The following SCML4 variants were observed in gnomAD, a reference collection of about 807,000 sequenced individuals.
The protein encoded by SCML4 is Scm polycomb group protein like 4, also known as sex comb on midleg-like protein 4.
SCML4 carries 34 observed loss-of-function variants against 41.1 expected under a neutral mutation model. That is an observed-to-expected ratio of 0.83 (90% CI 0.63 to 1.10). SCML4 has a LOEUF of 1.10. SCML4 is among the 50% of genes least tolerant of loss of function. The pLI, the probability that SCML4 is intolerant of heterozygous loss-of-function variation, is 0.00. For missense variants in SCML4, 522 were observed against 534.1 expected, an observed-to-expected ratio of 0.98 and a Z score of 0.22; for synonymous variants, 214 against 220.9, an observed-to-expected ratio of 0.97 and a Z score of 0.28.
the SCML4 span, among the ~76,000 whole-genome samples, chr6:107,834,053 A>G: frequency 6.6e-6 from 1 of 152,374 alleles, no homozygotes; most frequent in African/African-American, 2.4e-5. Context: ...AATAAAAGCA[A>G]CAAAATTGTA....
chr6:107,789,438 C>T (rs541891145), intron 1 of SCML4, among the ~76,000 whole-genome samples: 2 of 152,160 alleles, frequency 1.3e-5, no homozygotes, highest in Non-Finnish European at 2.9e-5. Flanking sequence ...CCTTTCCAGG[C>T]GGGTTCCTCT....
intron 1 of SCML4, among the ~76,000 whole-genome samples, chr6:107,795,865 C>A (rs1250628413): frequency 6.6e-6 from 1 of 152,210 alleles, no homozygotes; most frequent in Non-Finnish European, 1.5e-5. Context: ...CAGTCCTACT[C>A]TTCCAACGGC....
chr6:107,712,381 A>T (rs919123298), intron 6 of SCML4, among the ~76,000 whole-genome samples: 1 of 152,214 alleles, frequency 6.6e-6, no homozygotes. Flanking sequence ...GAGCTAGGTC[A>T]GGGAAACACT....
At chr6:107,725,655 T>A (rs1316512867) in intron 5 of SCML4, among the ~76,000 whole-genome samples, 1 of 152,200 alleles carries the variant, frequency 6.6e-6, no homozygotes, top group African/African-American at 2.4e-5. Context: ...GCAAAAATTA[T>A]AAAACTCTTA....
rs116345050 is a variant in SCML4 at position 107,705,199 on chromosome 6, G to A, written c.*1C>T. The A allele has an allele frequency of 5.9e-3, 9,085 of 1,551,358 alleles. 27 individuals are homozygous for A. Among genetic ancestry groups the A allele is most frequent in the Non-Finnish European group, 7.1e-3 (8,149 of 1,146,726 alleles). ...GTTTCGCTTCTGTCTTTTTAAAAAA[G>A]TCAGAACTTGGCTTGCTTCAGTTTG... On this transcript the variant is annotated 3_prime_UTR_variant, in exon 8 of 8. Transcript: ENST00000369020.
chr6:107,711,338 G>C (rs1029276286), intron 6 of SCML4, among the ~76,000 whole-genome samples: 1 of 152,094 alleles, frequency 6.6e-6, no homozygotes, highest in African/African-American at 2.4e-5. Context: ...GTCATGCACC[G>C]CCTAAGGACG....
At chr6:107,790,109 C>T (rs1242402574) in intron 1 of SCML4, among the ~76,000 whole-genome samples, 1 of 152,120 alleles carries the variant, frequency 6.6e-6, no homozygotes, top group Non-Finnish European at 1.5e-5. Flanking sequence ...GCTGAGAGAT[C>T]CAAGAAGTTT....
Position 107,813,603 on chromosome 6 carries a change from C to T in SCML4, c.-60+10523G>A, listed in dbSNP as rs571413115. The stretch of plus-strand genomic sequence containing the variant: ...AATGGAGGTCAACTATATTTTATAG[C>T]GAATCTTTGGCTACTTTTTCGGGAG... On this transcript the variant is annotated intron_variant, in intron 1 of 7. Transcript: ENST00000369020. Among the ~76,000 whole-genome samples the T allele has an allele frequency of 1.6e-4, 25 of 151,688 alleles. No individual in the cohort carries two copies. The South Asian group carries it at 3.6e-3, about 22-fold the overall frequency.
the SCML4 span, among the ~76,000 whole-genome samples, chr6:107,845,010 C>A: frequency 3.3e-5 from 5 of 151,152 alleles, no homozygotes; most frequent in Non-Finnish European, 5.9e-5. Context: ...CTGAGGCAGG[C>A]AGATCATTTG....
At chr6:107,733,716 C>A (rs2114457554) in intron 5 of SCML4, among the ~76,000 whole-genome samples, 1 of 152,350 alleles carries the variant, frequency 6.6e-6, no homozygotes, top group Non-Finnish European at 1.5e-5. Flanking sequence ...ATCTCACATA[C>A]CCTGTCCCTT....
At chr6:107,836,941 C>A in the SCML4 span, among the ~76,000 whole-genome samples, 3 of 152,224 alleles carry the variant, frequency 2.0e-5, no homozygotes, top group African/African-American at 7.2e-5. Context: ...GGGATATGAT[C>A]TAAGGCCACA....
intron 1 of SCML4, among the ~76,000 whole-genome samples, chr6:107,813,138 G>A (rs984084805): frequency 1.4e-4 from 21 of 151,520 alleles, no homozygotes; most frequent in Non-Finnish European, 2.9e-4. Flanking sequence ...GGAGGCAGGA[G>A]GATGGCTTGA....
chr6:107,750,222 T>G (rs1296142569), intron 2 of SCML4, among the ~76,000 whole-genome samples: 6 of 152,180 alleles, frequency 3.9e-5, no homozygotes, highest in Admixed American at 1.3e-4. Context: ...AACCCTTCAC[T>G]GTCTCCCAAG....
intron 6 of SCML4, among the ~76,000 whole-genome samples, chr6:107,713,717 G>A (rs1774459735): frequency 1.3e-5 from 2 of 152,188 alleles, no homozygotes; most frequent in South Asian, 2.1e-4. Context: ...CTGCCTGTGA[G>A]CTGCCCAGGC....
At chr6:107,711,591 T>C (rs542499256) in intron 6 of SCML4, among the ~76,000 whole-genome samples, 6 of 152,236 alleles carry the variant, frequency 3.9e-5, no homozygotes, top group African/African-American at 1.4e-4. Context: ...TCCCATTGAG[T>C]GATGCATGAC....
intron 2 of SCML4, among the ~76,000 whole-genome samples, chr6:107,751,617 T>TCTTA (rs1480621779): frequency 6.8e-6 from 1 of 147,862 alleles, no homozygotes; most frequent in East Asian, 2.1e-4. Flanking sequence ...TTTCTTTCTT[T>TCTTA]CTTTCTTTCT....
intron 1 of SCML4, among the ~76,000 whole-genome samples, chr6:107,791,953 C>A (rs1456866842): frequency 6.6e-6 from 1 of 151,972 alleles, no homozygotes; most frequent in Non-Finnish European, 1.5e-5. Context: ...CAGAGTGAGA[C>A]CCCGTCTCAA....
chr6:107,812,868 CACACAG>C (rs1562283708), intron 1 of SCML4, among the ~76,000 whole-genome samples: 3 of 126,846 alleles, frequency 2.4e-5, no homozygotes, highest in African/African-American at 8.8e-5. Context: ...GAGCTCTTTA[CACACAG>C]ACACATACAC....
chr6:107,790,522 AGGTCTCCT>A (rs1782245265), intron 1 of SCML4, among the ~76,000 whole-genome samples: 1 of 152,132 alleles, frequency 6.6e-6, no homozygotes, highest in Non-Finnish European at 1.5e-5. Context: ...CCCTTCGCAA[AGGTCTCCT>A]GGGGCCATGC....
Sources: allele counts gnomAD v4.1 joint callset (sites outside exome capture counted in the v4.1 genomes callset), GRCh38; gene constraint gnomAD v4.1.1; transcripts MANE v1.5; gene names NCBI Gene and HGNC (gene_info 2026-07-23, HGNC 2026-07-21).